GRM8: variants seen among roughly 807,000 people sequenced by gnomAD.
GRM8 encodes glutamate metabotropic receptor 8.
A neutral mutation model predicts 87.2 loss-of-function variants in GRM8; 47 were observed. The observed-to-expected ratio is 0.54, with a 90% confidence interval of 0.43 to 0.69. The LOEUF is 0.69. GRM8 is among the 30% of genes least tolerant of loss of function. The pLI, the probability that GRM8 is intolerant of heterozygous loss-of-function variation, is 0.00. For synonymous variants in GRM8, 396 were observed against 404.5 expected, an observed-to-expected ratio of 0.98 and a Z score of 0.25; for missense variants, 1,019 against 1,139.2, an observed-to-expected ratio of 0.89 and a Z score of 1.52.
chr7:126,792,682 A>G (rs1157400399), intron 6 of GRM8, among the ~76,000 whole-genome samples: 1 of 152,186 alleles, frequency 6.6e-6, no homozygotes. Context: ...TTTCCAATGA[A>G]AGAGAAAAAG....
intron 2 of GRM8, among the ~76,000 whole-genome samples, chr7:127,225,657 T>C (rs992955208): frequency 2.7e-5 from 4 of 148,682 alleles, no homozygotes; most frequent in Admixed American, 2.0e-4. Context: ...AATATCTATT[T>C]TATAATAGAT....
At chr7:126,603,762 T>C (rs558033217) in intron 8 of GRM8, among the ~76,000 whole-genome samples, 24 of 152,188 alleles carry the variant, frequency 1.6e-4, no homozygotes, top group African/African-American at 5.5e-4. Context: ...TGTTTGTGTA[T>C]ATATGTATCA....
intron 9 of GRM8, among the ~76,000 whole-genome samples, chr7:126,506,969 G>A (rs1301756001): frequency 2.0e-5 from 3 of 152,008 alleles, no homozygotes; most frequent in Non-Finnish European, 4.4e-5. Flanking sequence ...CATAGGCAGG[G>A]CATACAAAAT....
At chr7:126,878,222 C>T (rs983373600) in intron 6 of GRM8, among the ~76,000 whole-genome samples, 2 of 152,188 alleles carry the variant, frequency 1.3e-5, no homozygotes, top group African/African-American at 4.8e-5. Context: ...TGCTTATGGT[C>T]ATTTACAATT....
intron 9 of GRM8, among the ~76,000 whole-genome samples, chr7:126,500,585 A>G (rs1394239454): frequency 2.6e-5 from 4 of 152,020 alleles, no homozygotes; most frequent in Non-Finnish European, 5.9e-5. Flanking sequence ...GATCAGAACA[A>G]TATGTTTGGA....
intron 6 of GRM8, among the ~76,000 whole-genome samples, chr7:126,867,585 G>A (rs1484521176): frequency 6.6e-6 from 1 of 152,076 alleles, no homozygotes; most frequent in Non-Finnish European, 1.5e-5. Context: ...CTATATTGCA[G>A]TATCAAAAAA....
intron 6 of GRM8, among the ~76,000 whole-genome samples, chr7:126,821,854 T>C (rs1224890076): frequency 6.6e-6 from 1 of 152,182 alleles, no homozygotes; most frequent in Non-Finnish European, 1.5e-5. Flanking sequence ...TAATTTTCTA[T>C]TCCAGGATCC....
intron 9 of GRM8, among the ~76,000 whole-genome samples, chr7:126,456,985 G>T (rs1380540586): frequency 6.6e-6 from 1 of 151,416 alleles, no homozygotes. Context: ...TCAGAACCAG[G>T]CTTCTCAGAC....
At chr7:126,571,216 T>C (rs572812947) in intron 8 of GRM8, among the ~76,000 whole-genome samples, 91 of 152,230 alleles carry the variant, frequency 6.0e-4, no homozygotes, top group African/African-American at 2.2e-3. Flanking sequence ...ATCAGAAATA[T>C]AAAGTAGAAG....
rs971279198 is a variant in GRM8 at position 127,191,924 on chromosome 7, A to G, written c.510+50771T>C. Among the ~76,000 whole-genome samples the G allele has an allele frequency of 6.6e-5, 10 of 152,272 alleles. No individual in the cohort carries two copies. In the East Asian group the frequency reaches 1.7e-3, roughly 26 times the overall value. Reference sequence around the variant, plus strand: ...TACCGCATTAAATTGATTTAGGGACACCATTTTCCATTTTTCTATCTTCCA... The same window carrying G: ...TACCGCATTAAATTGATTTAGGGACGCCATTTTCCATTTTTCTATCTTCCA... On this transcript the variant is annotated intron_variant, in intron 2 of 10. Transcript: ENST00000339582.
chr7:126,882,511 T>C (rs1280163762), intron 6 of GRM8, among the ~76,000 whole-genome samples: 1 of 152,050 alleles, frequency 6.6e-6, no homozygotes, highest in Non-Finnish European at 1.5e-5. Context: ...GGATAACCTA[T>C]AAAAACCTGA....
At chr7:127,181,011 A>C (rs1794404637) in intron 2 of GRM8, among the ~76,000 whole-genome samples, 1 of 152,140 alleles carries the variant, frequency 6.6e-6, no homozygotes, top group Admixed American at 6.6e-5. Context: ...AGACAAGAAA[A>C]AGAAATAAAT....
intron 3 of GRM8, among the ~76,000 whole-genome samples, chr7:127,027,678 T>C (rs570528137): frequency 6.6e-6 from 1 of 152,348 alleles, no homozygotes; most frequent in East Asian, 1.9e-4. Context: ...TGCACATTGA[T>C]TTTGTATGCT....
intron 6 of GRM8, among the ~76,000 whole-genome samples, chr7:126,872,932 T>C (rs1288467295): frequency 6.6e-6 from 1 of 152,194 alleles, no homozygotes; most frequent in African/African-American, 2.4e-5. Flanking sequence ...AATGTCTTTT[T>C]TTCCTATAAA....
intron 7 of GRM8, among the ~76,000 whole-genome samples, chr7:126,660,793 G>C (rs2151278517): frequency 6.6e-6 from 1 of 152,342 alleles, no homozygotes; most frequent in Non-Finnish European, 1.5e-5. Context: ...ATATGAAACT[G>C]TCATTCTTAT....
intron 3 of GRM8, among the ~76,000 whole-genome samples, chr7:127,098,107 T>C (rs1386220319): frequency 1.3e-5 from 2 of 152,236 alleles, no homozygotes; most frequent in East Asian, 3.9e-4. Flanking sequence ...CAATTTGCAA[T>C]TTCCTCAGCC....
intron 7 of GRM8, among the ~76,000 whole-genome samples, chr7:126,738,183 G>T (rs1227170151): frequency 6.6e-6 from 1 of 152,050 alleles, no homozygotes; most frequent in East Asian, 1.9e-4. Context: ...ACCTTTTCAG[G>T]ACAGGTATGA....
At chr7:126,660,613 G>A (rs753232228) in intron 7 of GRM8, among the ~76,000 whole-genome samples, 17 of 152,174 alleles carry the variant, frequency 1.1e-4, no homozygotes, top group Non-Finnish European at 2.2e-4. Context: ...TGATTTCCCT[G>A]GCTAGTAATA....
chr7:126,663,727 G>C (rs973681245), intron 7 of GRM8, among the ~76,000 whole-genome samples: 6 of 152,054 alleles, frequency 3.9e-5, no homozygotes, highest in Admixed American at 2.0e-4. Flanking sequence ...ACTTAGAACA[G>C]GAACAAGACA....
Sources: allele counts gnomAD v4.1 joint callset (sites outside exome capture counted in the v4.1 genomes callset), GRCh38; gene constraint gnomAD v4.1.1; transcripts MANE v1.5; gene names NCBI Gene and HGNC (gene_info 2026-07-23, HGNC 2026-07-21).